The following ERBIN variants were observed in gnomAD, a reference collection of about 807,000 sequenced individuals.
ERBIN encodes erbb2 interacting protein.
Under a neutral mutation model 158.4 loss-of-function variants are expected in ERBIN, and 60 were observed. The ratio of observed to expected loss-of-function variants is 0.38; its 90% CI spans 0.31 to 0.47. ERBIN has a LOEUF of 0.47. Among genes scored for constraint, ERBIN ranks in the 20% least tolerant of loss-of-function variants. ERBIN has a pLI of 0.99. For synonymous variants in ERBIN, 594 were observed against 557.2 expected (o/e 1.07, Z -0.93); for missense variants, 1,610 against 1,648.0 (o/e 0.98, Z 0.40).
At chr5:66,039,025 C>CGTGTGTGT (rs149165726) in intron 15 of ERBIN, among the ~76,000 whole-genome samples, 1,628 of 148,796 alleles carry the variant, frequency 0.011, 29 homozygotes, top group African/African-American at 0.038. Flanking sequence ...GTACTCTCTG[C>CGTGTGTGT]GTGTGTGTGT....
intron 21 of ERBIN, among the ~76,000 whole-genome samples, chr5:66,066,522 T>TAA (rs762065039): frequency 2.9e-5 from 3 of 102,096 alleles, no homozygotes; most frequent in Admixed American, 9.5e-5. Flanking sequence ...CTGCCAAAAA[T>TAA]AAAAAAAAAA....
At chr5:65,969,074 A>G (rs987089916) in intron 1 of ERBIN, among the ~76,000 whole-genome samples, 1 of 152,158 alleles carries the variant, frequency 6.6e-6, no homozygotes, top group African/African-American at 2.4e-5. Flanking sequence ...ACCTTATGCT[A>G]CTGTGATATA....
chr5:65,955,310 C>A (rs6882858), intron 1 of ERBIN, among the ~76,000 whole-genome samples: 6,096 of 152,090 alleles, frequency 0.04, 411 homozygotes, highest in African/African-American at 0.14. Context: ...TTCTCAATTG[C>A]TGTAATCTGC....
At chr5:66,017,449 C>G (rs1176538927) in intron 7 of ERBIN, among the ~76,000 whole-genome samples, 2 of 151,334 alleles carry the variant, frequency 1.3e-5, no homozygotes, top group African/African-American at 4.9e-5. Context: ...TTTTCATATG[C>G]CTGTTTGTCA....
intron 7 of ERBIN, among the ~76,000 whole-genome samples, chr5:66,017,749 G>T (rs1027516965): frequency 2.6e-5 from 4 of 152,002 alleles, no homozygotes; most frequent in African/African-American, 9.7e-5. Context: ...GCCCAAACCA[G>T]TATCCTTGAT....
chr5:66,054,536 C>A lies in ERBIN; in HGVS notation c.3218C>A (p.Thr1073Lys), dbSNP rs771762896. The A allele has an allele frequency of 6.2e-7, 1 of 1,614,170 alleles. No homozygotes were observed. The highest frequency in any genetic ancestry group is 1.1e-5 in the South Asian group (1 of 91,082). Reference protein sequence around the residue: ...DRLIPAVTRSTIQRQSSVSST... With the variant: ...DRLIPAVTRSKIQRQSSVSST... ...CTTATTCCTGCAGTAACTCGAAGTA[C>A]AATCCAGCGACAAAGTAGTGTGTCC... The change falls in exon 21 of 26, where the codon ACA becomes AAA. Residue 1073 changes from threonine (T) to lysine (K), a missense_variant. By Grantham distance (78) the Thr-to-Lys change is moderately conservative. This residue lies in a region of ERBIN where 1,014 missense variants were observed against 936.1 expected (regional missense o/e 1.08). Coordinates refer to ENST00000284037, the MANE Select transcript of ERBIN (RefSeq NM_001253697.2).
At chr5:65,998,456 C>T (rs940139593) in intron 4 of ERBIN, among the ~76,000 whole-genome samples, 2 of 151,718 alleles carry the variant, frequency 1.3e-5, no homozygotes. Context: ...TAAATTTTAG[C>T]TTTAAAGATA....
At chr5:65,941,249 C>T (rs992737428) in intron 1 of ERBIN, among the ~76,000 whole-genome samples, 6 of 151,128 alleles carry the variant, frequency 4.0e-5, no homozygotes, top group African/African-American at 1.2e-4. Context: ...GCTGACCCTC[C>T]CTCCACTATT....
chr5:66,069,859 A>G (rs768804213), intron 21 of ERBIN, among the ~76,000 whole-genome samples: 4 of 151,918 alleles, frequency 2.6e-5, no homozygotes, highest in Non-Finnish European at 5.9e-5. Context: ...CCCCATTTTA[A>G]TATATCCCTG....
chr5:66,038,313 G>A (rs1375521149), intron 14 of ERBIN, 70 bp from the exon 15 acceptor site: 2 of 965,442 alleles, frequency 2.1e-6, no homozygotes. Flanking sequence ...GTGTACTTAT[G>A]CAGAGGAATT....
At chr5:65,934,317 C>T (rs548234249) in intron 1 of ERBIN, among the ~76,000 whole-genome samples, 2 of 152,336 alleles carry the variant, frequency 1.3e-5, no homozygotes, top group African/African-American at 2.4e-5. Flanking sequence ...ATCTGAACCT[C>T]AATTATCCCA....
At chr5:66,055,096 T>G in intron 21 of ERBIN, 145 bp downstream of exon 21, 1 of 1,407,612 alleles carries the variant, frequency 7.1e-7, no homozygotes, top group East Asian at 2.5e-5. Flanking sequence ...GTTCCAAATT[T>G]AAACTCAGCC....
At chr5:65,929,743 C>T (rs1459883835) in intron 1 of ERBIN, among the ~76,000 whole-genome samples, 1 of 151,242 alleles carries the variant, frequency 6.6e-6, no homozygotes, top group African/African-American at 2.4e-5. Flanking sequence ...CGGGTTCCAG[C>T]GATTCTCCTG....
In ERBIN at chr5:66,076,962, A is replaced by G; in HGVS notation, c.4131+13A>G. 6.5e-7 allele frequency: 1 copy of G among 1,543,524 alleles called. No individual in the cohort carries two copies. The highest frequency in any genetic ancestry group is 8.8e-7 in the Non-Finnish European group (1 of 1,133,230). ...TAAAATTATTCAGGTAATTAAAATA[A>G]ATCTTTTTTTTTTTCATTTTATAAC... On this transcript the variant is annotated intron_variant, in intron 25 of 25. Transcript: ENST00000284037.
intron 25 of ERBIN, among the ~76,000 whole-genome samples, chr5:66,077,767 CACACACACACACACACACACACACACAT>C (rs1762122612): frequency 3.6e-5 from 5 of 137,636 alleles, no homozygotes; most frequent in Non-Finnish European, 6.3e-5. Flanking sequence ...TCTACACACA[CACACACACACACACACACACACACACAT>C]ACACACACAC....
At chr5:65,986,393 T>TTGG (rs1008270166) in intron 1 of ERBIN, among the ~76,000 whole-genome samples, 56 of 152,364 alleles carry the variant, frequency 3.7e-4, no homozygotes, top group African/African-American at 1.3e-3. Flanking sequence ...GACAGAAGAT[T>TTGG]TGGTGGCCAG....
intron 2 of ERBIN, among the ~76,000 whole-genome samples, chr5:65,989,385 T>C (rs2151038370): frequency 6.6e-6 from 1 of 152,322 alleles, no homozygotes; most frequent in Non-Finnish European, 1.5e-5. Context: ...CGTTTTTATA[T>C]TGGCACCAGG....
rs1162952876 is a variant in ERBIN at position 65,940,450 on chromosome 5, G to A, written c.-58+13644G>A. On this transcript the variant is annotated intron_variant, in intron 1 of 25. Transcript: ENST00000284037. ...AGCCCCCCGCCCGGCCAGCTGCCCCGTCCGGGAGGGAGGTGGGGGGGTCAG... is the reference window on the plus strand; with the variant it reads ...AGCCCCCCGCCCGGCCAGCTGCCCCATCCGGGAGGGAGGTGGGGGGGTCAG... Among the ~76,000 whole-genome samples the A allele has an allele frequency of 3.5e-4, 42 of 120,678 alleles. 1 individual carries two copies. The highest frequency in any genetic ancestry group is 1.1e-3 in the Admixed American group (14 of 12,864). The allele number at this position is 120,678 out of a possible 152,430, so 79.2% of individuals were successfully genotyped here. A position where few individuals can be genotyped will look rare whatever the true frequency, so the allele number is the denominator to read the frequency against.
chr5:66,061,557 G>T (rs1177523083), intron 21 of ERBIN, among the ~76,000 whole-genome samples: 1 of 143,970 alleles, frequency 6.9e-6, no homozygotes, highest in African/African-American at 2.6e-5. Flanking sequence ...AAGGTTAGTA[G>T]TGTTATGTGT....
Sources: gnomAD v4.1 joint callset for allele counts (sites outside exome capture counted in the v4.1 genomes callset) on GRCh38, gnomAD v4.1.1 for gene constraint, gnomAD v4.1.1 regional missense constraint, MANE v1.5 for transcripts, NCBI Gene and HGNC (gene_info 2026-07-23, HGNC 2026-07-21) for gene names.